Variants in MGLL observed in about 807,000 individuals in gnomAD.
MGLL encodes the protein lysophospholipase homolog.
In MGLL, 7 loss-of-function variants were observed where a neutral mutation model predicts 29.1. That is an observed-to-expected ratio of 0.24 (90% CI 0.14 to 0.45). The LOEUF (loss-of-function observed/expected upper bound fraction) is 0.45. Ranked by LOEUF, MGLL falls within the 20% of genes least tolerant of loss-of-function variation. The probability of loss-of-function intolerance (pLI) is 0.99; values close to 1 mark genes in which losing one functional copy is unlikely to be tolerated. For synonymous variants in MGLL, 148 were observed against 168.3 expected, an observed-to-expected ratio of 0.88 and a Z score of 0.93; for missense variants, 356 against 413.6, an observed-to-expected ratio of 0.86 and a Z score of 1.21.
At chr3:127,738,279 T>G (rs1244546945) in intron 3 of MGLL, among the ~76,000 whole-genome samples, 4 of 150,800 alleles carry the variant, frequency 2.7e-5, no homozygotes, top group Non-Finnish European at 5.9e-5. Flanking sequence ...CCAGCCTGGG[T>G]GACAGAGTGA....
chr3:127,742,364 T>C (rs1447462275), intron 3 of MGLL, among the ~76,000 whole-genome samples: 1 of 151,968 alleles, frequency 6.6e-6, no homozygotes, highest in Non-Finnish European at 1.5e-5. Flanking sequence ...CCAATGTGGG[T>C]GGATCACCTG....
chr3:127,785,832 G>C (rs536032218), intron 2 of MGLL, among the ~76,000 whole-genome samples: 61 of 152,338 alleles, frequency 4.0e-4, no homozygotes, highest in Admixed American at 2.3e-3. Context: ...CAGAGAACAC[G>C]CCTGTGAGTG....
intron 3 of MGLL, among the ~76,000 whole-genome samples, chr3:127,763,184 G>A (rs2076795726): frequency 6.6e-6 from 1 of 151,920 alleles, no homozygotes. Flanking sequence ...AGGATGTCAG[G>A]TGTGCGGTGA....
intron 2 of MGLL, among the ~76,000 whole-genome samples, chr3:127,803,687 A>C (rs1337035644): frequency 1.3e-5 from 2 of 152,192 alleles, no homozygotes; most frequent in Admixed American, 1.3e-4. Context: ...GCAGAGCATG[A>C]GTCTCTCAGC....
At chr3:127,808,949 A>C (rs1489411489) in intron 2 of MGLL, among the ~76,000 whole-genome samples, 1 of 152,208 alleles carries the variant, frequency 6.6e-6, no homozygotes, top group African/African-American at 2.4e-5. Context: ...CTGGTGGTTG[A>C]GACACATCGG....
At chr3:127,732,859 C>T (rs193058830) in intron 3 of MGLL, among the ~76,000 whole-genome samples, 17 of 152,326 alleles carry the variant, frequency 1.1e-4, no homozygotes, top group South Asian at 2.1e-4. Flanking sequence ...AGTGCACTGA[C>T]GGACACCATG....
chr3:127,710,594 G>C lies in MGLL; in HGVS notation c.582C>G (p.Leu194=), dbSNP rs538109563. The change falls in exon 6 of 8, where the codon CTC becomes CTG. Residue 194 remains leucine, a synonymous_variant. Transcript: ENST00000265052. ...LSLGPIDSSV[L]SRNKTEVDIY... is the part of the protein sequence containing the mutation. Reference sequence around the variant, plus strand: ...CTCTCACCTCTGTCTTATTCCGAGAGAGCACGCTGGAGTCGATGGGCCCGA... The same window carrying C: ...CTCTCACCTCTGTCTTATTCCGAGACAGCACGCTGGAGTCGATGGGCCCGA... 9.6e-6 allele frequency: 15 copies of C among 1,565,416 alleles called. 1 individual carries two copies. In the South Asian group the frequency reaches 1.1e-4, roughly 11 times the overall value.
chr3:127,775,668 A>C (rs577025529), intron 3 of MGLL, among the ~76,000 whole-genome samples: 109 of 152,308 alleles, frequency 7.2e-4, no homozygotes, highest in Non-Finnish European at 1.4e-3. Flanking sequence ...TCATCAGTTG[A>C]GGATGGTTCG....
At chr3:127,695,773 A>G (rs1320120507) in intron 6 of MGLL, among the ~76,000 whole-genome samples, 1 of 152,214 alleles carries the variant, frequency 6.6e-6, no homozygotes, top group Non-Finnish European at 1.5e-5. Flanking sequence ...CGAAAGTTTC[A>G]AGTATTAATT....
chr3:127,703,071 T>C (rs2075528715), intron 6 of MGLL, among the ~76,000 whole-genome samples: 1 of 152,184 alleles, frequency 6.6e-6, no homozygotes, highest in Non-Finnish European at 1.5e-5. Flanking sequence ...TGGGGAGAGC[T>C]GTTTGCATAG....
chr3:127,776,296 A>G (rs67009481), intron 3 of MGLL, among the ~76,000 whole-genome samples: 15,141 of 152,048 alleles, frequency 0.1, 862 homozygotes, highest in South Asian at 0.15. Flanking sequence ...GGCTGCATAT[A>G]AGAATCACCT....
rs572617467 is a variant in MGLL, at chr3:127,777,686, T to A, written c.262+4103A>T. On this transcript the variant is annotated intron_variant, in intron 3 of 7. Coordinates refer to ENST00000265052, the MANE Select transcript of MGLL (RefSeq NM_007283.7). The stretch of plus-strand genomic sequence containing the variant: ...CCTGGGCACTGATGGTGCCATGGAG[T>A]CCTTGCACCTGCCTCAGACATCACG... Among the ~76,000 whole-genome samples, 42 of 133,884 alleles carry A rather than the reference T, an allele frequency of 3.1e-4. 3 individuals are homozygous for A. The South Asian group carries it at 0.011, about 34-fold the overall frequency. 87.8% of individuals were successfully genotyped at this position (133,884 alleles called of 152,430 possible).
chr3:127,765,391 C>A (rs1018167639), intron 3 of MGLL, among the ~76,000 whole-genome samples: 2 of 152,206 alleles, frequency 1.3e-5, no homozygotes, highest in Admixed American at 6.5e-5. Flanking sequence ...GAAAGATAAC[C>A]AGGTGGTAAA....
intron 2 of MGLL, among the ~76,000 whole-genome samples, chr3:127,803,701 T>C (rs1328122180): frequency 1.3e-5 from 2 of 152,204 alleles, no homozygotes; most frequent in Non-Finnish European, 2.9e-5. Flanking sequence ...TCTCAGCCTG[T>C]AGGACTCCCA....
intron 3 of MGLL, among the ~76,000 whole-genome samples, chr3:127,726,184 G>A (rs866334900): frequency 1.1e-4 from 7 of 63,238 alleles, no homozygotes; most frequent in African/African-American, 1.6e-4. Flanking sequence ...AAGAAAGAAA[G>A]AAAAGAAAAG....
At chr3:127,742,677 T>A (rs566425696) in intron 3 of MGLL, among the ~76,000 whole-genome samples, 53 of 152,036 alleles carry the variant, frequency 3.5e-4, no homozygotes, top group Non-Finnish European at 4.7e-4. Flanking sequence ...TCTCCTCGCT[T>A]CTTTTCTTAA....
At chr3:127,749,590 A>G (rs2076517535) in intron 3 of MGLL, among the ~76,000 whole-genome samples, 1 of 152,174 alleles carries the variant, frequency 6.6e-6, no homozygotes, top group Non-Finnish European at 1.5e-5. Flanking sequence ...GGCATTCAGC[A>G]GTGGACATTG....
rs755502650 is a variant in MGLL at position 127,695,127 on chromosome 3, G to A, written c.664C>T (p.Gln222Ter). The change falls in exon 7 of 8, where the codon CAA becomes TAA. Residue 222 changes from glutamine (Q) to a stop codon, truncating the protein, a stop_gained. Transcript: ENST00000265052. LOFTEE classifies it high-confidence loss of function. ...RAGLKVCFGIQLLNAVSRVER... is the reference protein window; with the variant it reads ...RAGLKVCFGI ...ACCCGTGAGACGGCATTCAGCAGTT[G>A]GATGCCGAAGCACACCTTCAGCCCT... 6.2e-7 allele frequency: 1 copy of A among 1,614,198 alleles called. No individual in the cohort carries two copies. The highest frequency in any genetic ancestry group is 1.1e-5 in the South Asian group (1 of 91,092).
At chr3:127,742,264 T>C (rs772717385) in intron 3 of MGLL, among the ~76,000 whole-genome samples, 1 of 152,154 alleles carries the variant, frequency 6.6e-6, no homozygotes, top group Non-Finnish European at 1.5e-5. Context: ...CCCACCTTCT[T>C]TCTACTGTAG....
Sources: allele counts gnomAD v4.1 joint callset (sites outside exome capture counted in the v4.1 genomes callset), GRCh38; gene constraint gnomAD v4.1.1; transcripts MANE v1.5; gene names NCBI Gene and HGNC (gene_info 2026-07-23, HGNC 2026-07-21).